The following AP3D1 variants were observed in gnomAD, a reference collection of about 807,000 sequenced individuals.
AP3D1 encodes adaptor related protein complex 3 subunit delta 1.
In AP3D1, 51 loss-of-function variants were observed where a neutral mutation model predicts 147.6. That is an observed-to-expected ratio of 0.35 (90% CI 0.28 to 0.44). The LOEUF is 0.44. Among genes scored for constraint, AP3D1 ranks in the 20% least tolerant of loss-of-function variants. The pLI is 1.00. For missense variants in AP3D1, 1,421 were observed against 1,624.2 expected (o/e 0.87, Z 2.15); for synonymous variants, 760 against 663.0 (o/e 1.15, Z -2.25).
Position 2,113,393 on chromosome 19 carries a change from C to T in AP3D1, c.2622G>A (p.Trp874Ter). 6.8e-7 allele frequency: 1 copy of T among 1,475,746 alleles called. No individual in the cohort carries two copies. 91.4% of individuals were successfully genotyped at this position (1,475,746 alleles called of 1,614,324 possible). Reference protein sequence around the residue: ...KEKKAEDLDFWLSTTPPPAPA... With the variant: ...KEKKAEDLDF ...GGGCAGGCGGTGGGGTGGTAGACAG[C>T]CAGAAGTCCAGGTCCTCAGCCTGAA... is the stretch of plus-strand genomic sequence containing the variant. Residue 874 changes from tryptophan to a stop codon, truncating the protein, a stop_gained, in exon 23 of 32, where the codon TGG becomes TGA. Transcript: ENST00000643116. LOFTEE classifies it high-confidence loss of function.
chr19:2,122,662 C>A (rs1286282293), intron 11 of AP3D1, among the ~76,000 whole-genome samples: 1 of 152,224 alleles, frequency 6.6e-6, no homozygotes, highest in African/African-American at 2.4e-5. Context: ...CCATAAAACA[C>A]GGTCACGAAA....
rs1189512450 is a variant in AP3D1, at chr19:2,120,875, C to T, written c.1468G>A (p.Gly490Arg). ...EVLYAAAWIC[G>R]EFSEHLQEPH... The stretch of plus-strand genomic sequence containing the variant: ...GCGCCCACTCACTCTGAGAACTCCC[C>T]GCAGATCCAGGCGGCAGCGTACAGC... Residue 490 changes from glycine to arginine, a missense_variant, in exon 14 of 32, where the codon GGG (glycine) becomes AGG (arginine). Around this residue, in one of 6 missense-constraint regions of AP3D1, gnomAD observed 310 missense variants for 388.1 expected, o/e 0.80. Transcript: ENST00000643116. The T allele has an allele frequency of 2.5e-6, 4 of 1,608,856 alleles. No homozygotes were observed. Among genetic ancestry groups the T allele is most frequent in the South Asian group, 1.1e-5 (1 of 91,072 alleles).
At chr19:2,136,494 G>A (rs1024569681) in intron 4 of AP3D1, among the ~76,000 whole-genome samples, 2 of 152,178 alleles carry the variant, frequency 1.3e-5, no homozygotes, top group East Asian at 1.9e-4. Context: ...GGGAACCAAA[G>A]GTGTTCAGAG....
chr19:2,110,219 A>G lies in AP3D1; in HGVS notation c.3181T>C (p.Ser1061Pro). ...GTGAACACATACTGGGCTTCGTTGG[A>G]GACGCCTGGCGGGGGCGAGAGGGAG... ...PVPFQLPPGV[S>P]NEAQYVFTIQ... The change falls in exon 28 of 32, where the codon TCC becomes CCC. Residue 1061 changes from serine to proline, a missense_variant. By Grantham distance (74) the Ser-to-Pro change is moderately conservative. Around this residue, in one of 6 missense-constraint regions of AP3D1, gnomAD observed 791 missense variants for 761.4 expected, o/e 1.04. Coordinates refer to ENST00000643116, the MANE Select transcript of AP3D1 (RefSeq NM_001261826.3). 6.2e-7 allele frequency: 1 copy of G among 1,611,738 alleles called. No homozygotes were observed. The highest frequency in any genetic ancestry group is 8.5e-7 in the Non-Finnish European group (1 of 1,179,860).
intron 26 of AP3D1, 156 bp downstream of exon 26, chr19:2,111,129 A>T: frequency 2.9e-6 from 3 of 1,042,776 alleles, no homozygotes; most frequent in Non-Finnish European, 2.8e-6. Context: ...CCTTACCCCA[A>T]GCCAGAGGTG....
rs531835163 is a variant in AP3D1 at position 2,131,503 on chromosome 19, G to A, written c.463-966C>T. On this transcript the variant is annotated intron_variant, in intron 5 of 31. Coordinates refer to ENST00000643116, the MANE Select transcript of AP3D1 (RefSeq NM_001261826.3). ...AGACACCCGGTGGACAGGCAGCCAC[G>A]AGGGGACAGGGCCCATCGGCCACGA... is the stretch of plus-strand genomic sequence containing the variant. 7.5e-5 allele frequency among the ~76,000 whole-genome samples: 9 copies of A among 120,528 alleles called. 1 individual carries two copies. The highest frequency in any genetic ancestry group is 2.2e-4 in the African/African-American group (7 of 31,616). 79.1% of individuals were successfully genotyped at this position (120,528 alleles called of 152,430 possible).
chr19:2,113,729 G>A lies in AP3D1; in HGVS notation c.2602-316C>T, dbSNP rs141913073. On this transcript the variant is annotated intron_variant, in intron 22 of 31. Coordinates refer to ENST00000643116, the MANE Select transcript of AP3D1 (RefSeq NM_001261826.3). ...GGCCACCTGACGTGGGTGTGGACAG[G>A]CTCCCAGGCCCTGCAAACACATGCT... is the stretch of plus-strand genomic sequence containing the variant. Among the ~76,000 whole-genome samples the A allele has an allele frequency of 2.1e-3, 324 of 152,354 alleles. 3 individuals carry two copies. Among genetic ancestry groups the A allele is most frequent in the African/African-American group, 7.5e-3 (310 of 41,572 alleles).
At chr19:2,136,568 A>G (rs539822359) in intron 4 of AP3D1, among the ~76,000 whole-genome samples, 2 of 152,254 alleles carry the variant, frequency 1.3e-5, no homozygotes, top group Non-Finnish European at 2.9e-5. Context: ...AAAATGCAAC[A>G]TTTACATGGT....
intron 4 of AP3D1, among the ~76,000 whole-genome samples, chr19:2,136,352 C>T (rs1024109734): frequency 8.5e-5 from 13 of 152,202 alleles, no homozygotes; most frequent in Non-Finnish European, 1.9e-4. Flanking sequence ...CACAGGGTCC[C>T]GCCCTTGCAC....
chr19:2,106,691 C>T, intron 31 of AP3D1, among the ~76,000 whole-genome samples: 1 of 152,148 alleles, frequency 6.6e-6, no homozygotes, highest in East Asian at 1.9e-4. Flanking sequence ...CAGCATGGTC[C>T]ATCTGTACAA....
chr19:2,140,755 C>CTTTTTTTTTTTTT (rs71176516), intron 1 of AP3D1, among the ~76,000 whole-genome samples: 1 of 107,196 alleles, frequency 9.3e-6, no homozygotes, highest in African/African-American at 3.4e-5. Context: ...ACACAAACGT[C>CTTTTTTTTTTTTT]TTTTTTTTTT....
Position 2,120,995 on chromosome 19 carries a change from C to T in AP3D1, c.1348G>A (p.Ala450Thr), listed in dbSNP as rs770184150. The T allele has an allele frequency of 1.1e-5, 17 of 1,612,198 alleles. No individual in the cohort carries two copies. Among genetic ancestry groups the T allele is most frequent in the South Asian group, 3.3e-5 (3 of 91,090 alleles). Residue 450 changes from alanine to threonine, a missense_variant, in exon 14 of 32, where the codon GCC becomes ACC. Coordinates refer to ENST00000643116, the MANE Select transcript of AP3D1 (RefSeq NM_001261826.3). ...QMLDVAIRVK[A>T]IRKFAVSQMS... is the part of the protein sequence containing the mutation. ...TGGGACACGGCGAACTTGCGGATGG[C>T]CTTCACGCGGATGGCCACGTCCAGC...
intron 11 of AP3D1, among the ~76,000 whole-genome samples, chr19:2,122,881 C>G (rs1207862144): frequency 6.6e-6 from 1 of 152,350 alleles, no homozygotes; most frequent in South Asian, 2.1e-4. Flanking sequence ...AGGTACCAGG[C>G]AGGGGCCGCT....
At chr19:2,137,635 C>T (rs1262352472) in intron 3 of AP3D1, 92 bp downstream of exon 3, 2 of 1,113,732 alleles carry the variant, frequency 1.8e-6, no homozygotes, top group Non-Finnish European at 2.7e-6. Flanking sequence ...GACTCTGTCT[C>T]AAGAATAATA....
chr19:2,109,492 G>T, intron 29 of AP3D1: 1 of 505,104 alleles, frequency 2.0e-6, no homozygotes. Flanking sequence ...AAGGGACTGG[G>T]GGGATAGGCT....
chr19:2,161,711 G>A (rs1293549636), intron 1 of AP3D1, among the ~76,000 whole-genome samples: 2 of 152,080 alleles, frequency 1.3e-5, no homozygotes, highest in East Asian at 3.9e-4. Flanking sequence ...CACTTAGGAA[G>A]GCTGAGGTGG....
At chr19:2,154,421 A>C (rs950452466), upstream of AP3D1, among the ~76,000 whole-genome samples, 2 of 151,496 alleles carry the variant, frequency 1.3e-5, no homozygotes, top group Non-Finnish European at 2.9e-5. Flanking sequence ...CTGGGACTAC[A>C]GGCGCTCGCC....
chr19:2,114,248 G>A lies in AP3D1; in HGVS notation c.2478C>T (p.Thr826=). 6.2e-7 allele frequency: 1 copy of A among 1,613,506 alleles called. No homozygotes were observed. The change falls in exon 22 of 32, where the codon ACC becomes ACT. Residue 826 remains threonine, a synonymous_variant. Coordinates refer to ENST00000643116, the MANE Select transcript of AP3D1 (RefSeq NM_001261826.3). ...LPIQKHRNTE[T]SKSPEKDVPM... is the part of the protein sequence containing the mutation. ...GAACGTCCTTCTCAGGGGATTTTGAGGTCTCGGTGTTTCTGTGTTTCTGAA... is the reference window on the plus strand; with the variant it reads ...GAACGTCCTTCTCAGGGGATTTTGAAGTCTCGGTGTTTCTGTGTTTCTGAA...
intron 2 of AP3D1, 30 bp downstream of exon 2, chr19:2,138,589 G>C: frequency 7.7e-6 from 12 of 1,560,594 alleles, no homozygotes; most frequent in Non-Finnish European, 1.1e-5. Context: ...GCCCGACAGT[G>C]CTGGGCGCTG....
Sources: allele counts gnomAD v4.1 joint callset (sites outside exome capture counted in the v4.1 genomes callset), GRCh38; gene constraint gnomAD v4.1.1; regional missense constraint gnomAD v4.1.1; transcripts MANE v1.5; gene names NCBI Gene and HGNC (gene_info 2026-07-23, HGNC 2026-07-21).